Variants in TENM1 observed in about 807,000 individuals in gnomAD.
TENM1 encodes teneurin-1.
Under a neutral mutation model 174.8 loss-of-function variants are expected in TENM1, and 35 were observed. The observed-to-expected ratio is 0.20, with a 90% CI of 0.15 to 0.27. The LOEUF (loss-of-function observed/expected upper bound fraction) is 0.27, where lower values mean the gene tolerates loss of function less well. TENM1 is among the 10% of genes least tolerant of loss of function. The pLI, the probability that TENM1 is intolerant of heterozygous loss-of-function variation, is 1.00. For missense variants in TENM1, 1,633 were observed against 2,130.1 expected (o/e 0.77, Z 4.59); for synonymous variants, 781 against 798.7 (o/e 0.98, Z 0.37).
At chrX:124,780,641 C>T (rs1603189909) in intron 3 of TENM1, among the ~76,000 whole-genome samples, 1 of 111,627 alleles carries the variant, frequency 9.0e-6, no homozygotes, top group East Asian at 2.8e-4. Flanking sequence ...TATTTCACTA[C>T]CTCTGTTAAT....
chrX:124,793,248 A>G (rs2055220763), intron 3 of TENM1, among the ~76,000 whole-genome samples: 2 of 111,940 alleles, frequency 1.8e-5, no homozygotes, highest in Admixed American at 1.9e-4. Context: ...TTCTATGATG[A>G]TCAGTAAATA....
chrX:125,139,789 T>G, the TENM1 span, among the ~76,000 whole-genome samples: 8 of 103,729 alleles, frequency 7.7e-5, no homozygotes, highest in Non-Finnish European at 1.6e-4. Flanking sequence ...AATAAAAGCA[T>G]TACTTCAGGT....
the TENM1 span, among the ~76,000 whole-genome samples, chrX:125,028,639 C>T: frequency 0.057 from 6,319 of 111,139 alleles, 446 homozygotes; most frequent in African/African-American, 0.19. Flanking sequence ...CACAACTTTA[C>T]CTATGTAACA....
intron 25 of TENM1, among the ~76,000 whole-genome samples, chrX:124,419,795 T>C (rs1469774118): frequency 2.7e-5 from 3 of 111,797 alleles, no homozygotes; most frequent in Non-Finnish European, 5.6e-5. Context: ...CACATAATTC[T>C]TCTCTTGCTT....
chrX:125,174,768 A>G, the TENM1 span, among the ~76,000 whole-genome samples: 3 of 111,666 alleles, frequency 2.7e-5, no homozygotes, highest in African/African-American at 9.8e-5. Context: ...TAAAGAAACC[A>G]GAATTATGCT....
chrX:124,514,281 T>C (rs1166141027), intron 18 of TENM1, among the ~76,000 whole-genome samples: 2 of 107,959 alleles, frequency 1.9e-5, no homozygotes, highest in Non-Finnish European at 3.8e-5. Context: ...AATTTCTAAG[T>C]GTCACAATTT....
intron 23 of TENM1, among the ~76,000 whole-genome samples, chrX:124,436,906 C>T (rs1176698772): frequency 2.9e-5 from 3 of 103,143 alleles, no homozygotes; most frequent in South Asian, 9.2e-4. Flanking sequence ...GTTAAAATAA[C>T]GAATGTACTT....
chrX:124,966,056 G>A (rs1421715525), upstream of TENM1, among the ~76,000 whole-genome samples: 1 of 111,695 alleles, frequency 9.0e-6, no homozygotes, highest in Non-Finnish European at 1.9e-5. Flanking sequence ...CATCCCACAT[G>A]CAATCCATCA....
intron 5 of TENM1, among the ~76,000 whole-genome samples, chrX:124,676,388 T>G (rs1185187513): frequency 1.1e-5 from 1 of 92,835 alleles, no homozygotes; most frequent in South Asian, 5.8e-4. Context: ...TTCACTGAAA[T>G]TCAATGGTTG....
chrX:125,162,549 C>G, the TENM1 span, among the ~76,000 whole-genome samples: 1 of 112,043 alleles, frequency 8.9e-6, no homozygotes, highest in Non-Finnish European at 1.9e-5. Flanking sequence ...CTCTCTGTTC[C>G]TTTAGATTCT....
the TENM1 span, among the ~76,000 whole-genome samples, chrX:125,201,748 T>C: frequency 8.9e-6 from 1 of 112,025 alleles, no homozygotes; most frequent in Non-Finnish European, 1.9e-5. Context: ...TCTTTAATCA[T>C]GAAAAGTTTT....
chrX:124,407,430 T>C (rs1438541926), intron 25 of TENM1, among the ~76,000 whole-genome samples: 1 of 112,369 alleles, frequency 8.9e-6, no homozygotes, highest in East Asian at 2.8e-4. Context: ...TAAGCACTTT[T>C]ATTTGCCTTT....
the TENM1 span, among the ~76,000 whole-genome samples, chrX:125,098,014 A>C: frequency 3.5e-5 from 4 of 112,689 alleles, no homozygotes; most frequent in Non-Finnish European, 7.5e-5. Context: ...CTGTAATCCC[A>C]GCACTTTGGG....
intron 1 of TENM1, among the ~76,000 whole-genome samples, chrX:124,937,887 A>G (rs1373368386): frequency 4.5e-5 from 5 of 112,165 alleles, no homozygotes; most frequent in Non-Finnish European, 9.4e-5. Context: ...ATTTTTATCA[A>G]TATTATTACA....
At chrX:124,723,332 T>G (rs1388381610) in intron 4 of TENM1, among the ~76,000 whole-genome samples, 1 of 111,638 alleles carries the variant, frequency 9.0e-6, no homozygotes, top group Admixed American at 9.5e-5. Flanking sequence ...CTGTGATATT[T>G]GAAAATCATG....
chrX:125,092,276 A>C, the TENM1 span, among the ~76,000 whole-genome samples: 4 of 111,514 alleles, frequency 3.6e-5, no homozygotes, highest in African/African-American at 1.3e-4. Context: ...TCCCAACAGA[A>C]GTAAGCTATT....
At chrX:124,599,493 A>G (rs1007490308) in intron 11 of TENM1, among the ~76,000 whole-genome samples, 1 of 111,315 alleles carries the variant, frequency 9.0e-6, no homozygotes, top group Non-Finnish European at 1.9e-5. Flanking sequence ...GAGTGTGATG[A>G]GAAATGAATG....
chrX:124,878,885 C>A (rs1410221882), intron 3 of TENM1, among the ~76,000 whole-genome samples: 1 of 111,750 alleles, frequency 8.9e-6, no homozygotes, highest in East Asian at 2.8e-4. Flanking sequence ...ACTAAACAAT[C>A]TAAGCCTTTC....
At chrX:124,586,360 C>G (rs1199813145) in intron 11 of TENM1, among the ~76,000 whole-genome samples, 2 of 107,117 alleles carry the variant, frequency 1.9e-5, no homozygotes, top group African/African-American at 7.0e-5. Flanking sequence ...GGCTTCATCC[C>G]TGGGATGCAA....
Sources: allele counts gnomAD v4.1 joint callset (sites outside exome capture counted in the v4.1 genomes callset), GRCh38; gene constraint gnomAD v4.1.1; transcripts MANE v1.5; gene names NCBI Gene and HGNC (gene_info 2026-07-23, HGNC 2026-07-21).